CDC73: variants seen among roughly 807,000 people sequenced by gnomAD.
The protein encoded by CDC73 is cell division cycle 73.
A neutral mutation model predicts 83.7 loss-of-function variants in CDC73; 21 were observed. The observed-to-expected ratio is 0.25, with a 90% confidence interval of 0.18 to 0.36. The LOEUF is 0.36. Among genes scored for constraint, CDC73 ranks in the 10% least tolerant of loss-of-function variants. CDC73 has a pLI of 1.00. For missense variants in CDC73, 342 were observed against 653.3 expected (o/e 0.52, Z 5.19); for synonymous variants, 224 against 212.9 (o/e 1.05, Z -0.45).
At chr1:193,131,668 C>A (rs1409685682) in intron 3 of CDC73, among the ~76,000 whole-genome samples, 1 of 152,136 alleles carries the variant, frequency 6.6e-6, no homozygotes, top group Non-Finnish European at 1.5e-5. Context: ...TCTTTTTGGT[C>A]TTTTAGCTAT....
At chr1:193,195,452 A>G (rs1325876965) in intron 10 of CDC73, among the ~76,000 whole-genome samples, 2 of 152,180 alleles carry the variant, frequency 1.3e-5, no homozygotes, top group South Asian at 2.1e-4. Flanking sequence ...TAATGCTGCT[A>G]TGAACTTGGG....
At chr1:193,207,060 G>A (rs995712067) in intron 11 of CDC73, among the ~76,000 whole-genome samples, 2 of 152,098 alleles carry the variant, frequency 1.3e-5, no homozygotes, top group Admixed American at 1.3e-4. Flanking sequence ...GTGTCAGCCT[G>A]TCTGAGAAAT....
At chr1:193,144,573 G>GC (rs1403128692) in intron 7 of CDC73, among the ~76,000 whole-genome samples, 1 of 152,140 alleles carries the variant, frequency 6.6e-6, no homozygotes, top group Non-Finnish European at 1.5e-5. Context: ...ATGGCACTTA[G>GC]CCATTGTGTT....
In CDC73 at chr1:193,253,543, A is replaced by G. The variant is rs1363512713; in HGVS notation, c.*2831A>G. 2 of 232,042 alleles carry G rather than the reference A, an allele frequency of 8.6e-6. No individual in the cohort carries two copies. The highest frequency in any genetic ancestry group is 2.2e-5 in the African/African-American group (1 of 45,288). The allele number at this position is 232,042 out of a possible 1,614,324, so 14.4% of individuals were successfully genotyped here. A position where few individuals can be genotyped will look rare whatever the true frequency, so the allele number is the denominator to read the frequency against. On this transcript the variant is annotated 3_prime_UTR_variant, in exon 17 of 17. Transcript: ENST00000367435. ...ATATAGGAGTATTTTACTGTTTAAT[A>G]TTTAAACAATGTTTAATGTATTTCA...
chr1:193,221,761 T>C (rs994323859), intron 13 of CDC73, among the ~76,000 whole-genome samples: 22 of 152,222 alleles, frequency 1.4e-4, no homozygotes, highest in African/African-American at 5.3e-4. Flanking sequence ...ATTCTTAGGA[T>C]AGACCATGCC....
chr1:193,178,103 G>C (rs962204241), intron 10 of CDC73, among the ~76,000 whole-genome samples: 2 of 152,066 alleles, frequency 1.3e-5, no homozygotes, highest in Non-Finnish European at 2.9e-5. Context: ...TACACTATCA[G>C]CTTATTTTGC....
chr1:193,170,277 A>G (rs540335633), intron 10 of CDC73, among the ~76,000 whole-genome samples: 166 of 152,264 alleles, frequency 1.1e-3, no homozygotes, highest in African/African-American at 3.8e-3. Flanking sequence ...TGTCTTTATA[A>G]TAGAATGATT....
chr1:193,164,526 A>G (rs1294903294), intron 10 of CDC73, among the ~76,000 whole-genome samples: 1 of 152,176 alleles, frequency 6.6e-6, no homozygotes, highest in African/African-American at 2.4e-5. Context: ...CTAGCACATA[A>G]CATGTTCTCT....
chr1:193,182,863 A>T (rs1387926760), intron 10 of CDC73, among the ~76,000 whole-genome samples: 1 of 152,074 alleles, frequency 6.6e-6, no homozygotes, highest in African/African-American at 2.4e-5. Flanking sequence ...AAACTTTTTG[A>T]CAAGGAGTGA....
At chr1:193,137,170 T>G (rs1675816455) in intron 5 of CDC73, among the ~76,000 whole-genome samples, 1 of 152,174 alleles carries the variant, frequency 6.6e-6, no homozygotes, top group East Asian at 1.9e-4. Flanking sequence ...AAATCAGTAG[T>G]AAGGAATTTG....
At chr1:193,238,939 C>T (rs1360263230) in intron 15 of CDC73, among the ~76,000 whole-genome samples, 1 of 152,144 alleles carries the variant, frequency 6.6e-6, no homozygotes, top group African/African-American at 2.4e-5. Flanking sequence ...AATGAACCCA[C>T]TCAATTGGAA....
intron 13 of CDC73, among the ~76,000 whole-genome samples, chr1:193,217,938 T>G (rs1054674272): frequency 3.3e-5 from 5 of 152,028 alleles, no homozygotes; most frequent in Admixed American, 2.0e-4. Flanking sequence ...AAGAAAGAAA[T>G]AAAAGGCATC....
intron 10 of CDC73, among the ~76,000 whole-genome samples, chr1:193,156,142 G>C (rs183160392): frequency 5.6e-4 from 85 of 152,292 alleles, no homozygotes; most frequent in Non-Finnish European, 9.3e-4. Flanking sequence ...GTTTTTGTTA[G>C]TTTGCAAGGA....
At chr1:193,184,900 A>G (rs996244783) in intron 10 of CDC73, among the ~76,000 whole-genome samples, 3 of 151,984 alleles carry the variant, frequency 2.0e-5, no homozygotes, top group African/African-American at 7.2e-5. Flanking sequence ...TGATTATTAG[A>G]TAATTACTGA....
intron 15 of CDC73, among the ~76,000 whole-genome samples, chr1:193,245,204 C>T (rs1220375906): frequency 6.6e-6 from 1 of 152,116 alleles, no homozygotes; most frequent in Non-Finnish European, 1.5e-5. Context: ...TAACTATAAT[C>T]CTATAGTGGT....
chr1:193,220,279 T>G (rs1677445152), intron 13 of CDC73, among the ~76,000 whole-genome samples: 1 of 151,084 alleles, frequency 6.6e-6, no homozygotes, highest in Admixed American at 6.6e-5. Context: ...CGATTCTCCT[T>G]CAGCCTCCTG....
intron 10 of CDC73, among the ~76,000 whole-genome samples, chr1:193,171,256 C>G (rs1480686629): frequency 2.0e-5 from 3 of 152,198 alleles, no homozygotes; most frequent in African/African-American, 7.2e-5. Context: ...TTTCTATTGT[C>G]ACAGTAATAA....
At chr1:193,218,100 C>T (rs920855121) in intron 13 of CDC73, among the ~76,000 whole-genome samples, 4 of 152,148 alleles carry the variant, frequency 2.6e-5, no homozygotes, top group Non-Finnish European at 5.9e-5. Flanking sequence ...AATTTCTATA[C>T]ACTAGTAATG....
intron 11 of CDC73, among the ~76,000 whole-genome samples, chr1:193,204,225 ATG>A (rs534890932): frequency 5.4e-4 from 7 of 12,940 alleles, no homozygotes; most frequent in Admixed American, 1.8e-3. Context: ...ATGTATATAT[ATG>A]TATATATACA....
Sources: allele counts gnomAD v4.1 joint callset (sites outside exome capture counted in the v4.1 genomes callset), GRCh38; gene constraint gnomAD v4.1.1; transcripts MANE v1.5; gene names NCBI Gene and HGNC (gene_info 2026-07-23, HGNC 2026-07-21).